Variants in PCDHGA4 observed in about 807,000 individuals in gnomAD.
PCDHGA4 encodes the protein protocadherin gamma subfamily A, 4.
A neutral mutation model predicts 54.6 loss-of-function variants in PCDHGA4; 38 were observed. The ratio of observed to expected loss-of-function variants is 0.70; its 90% CI spans 0.54 to 0.91. The LOEUF (loss-of-function observed/expected upper bound fraction) is 0.91. Among genes scored for constraint, PCDHGA4 ranks in the 40% least tolerant of loss-of-function variants. The pLI is 0.00. For synonymous variants in PCDHGA4, 511 were observed against 512.9 expected (o/e 1.00, Z 0.05); for missense variants, 1,298 against 1,220.9 (o/e 1.06, Z -0.94).
At chr5:141,455,842 C>T (rs1224197325) in intron 1 of PCDHGA4, among the ~76,000 whole-genome samples, 1 of 150,876 alleles carries the variant, frequency 6.6e-6, no homozygotes, top group Non-Finnish European at 1.5e-5. Context: ...TGTCTATCTG[C>T]ATAAAATAAT....
intron 1 of PCDHGA4, chr5:141,361,554 A>T (rs199916536): frequency 6.2e-7 from 1 of 1,614,062 alleles, no homozygotes; most frequent in Non-Finnish European, 8.5e-7. Context: ...CTATCGCTCA[A>T]ATCAGTGCCT....
rs79201149 is a variant in PCDHGA4, at chr5:141,386,596, T to C, written c.2514+28975T>C. Among the ~76,000 whole-genome samples, 402 of 139,140 alleles carry C rather than the reference T, an allele frequency of 2.9e-3. 2 individuals are homozygous for C. Among genetic ancestry groups the C allele is most frequent in the Non-Finnish European group, 4.9e-3 (319 of 65,706 alleles). The allele number at this position is 139,140 out of a possible 152,430, so 91.3% of individuals were successfully genotyped here. A position where few individuals can be genotyped will look rare whatever the true frequency, so the allele number is the denominator to read the frequency against. Reference sequence around the variant, plus strand: ...TCTGTACAATAGTGTGGGGGATACATTTTTTTTTTTTGACATGGAGTCTCG... The same window carrying C: ...TCTGTACAATAGTGTGGGGGATACACTTTTTTTTTTTGACATGGAGTCTCG... On this transcript the variant is annotated intron_variant, in intron 1 of 3. Transcript: ENST00000571252.
chr5:141,431,830 C>G lies in PCDHGA4; in HGVS notation c.2515-62977C>G, dbSNP rs1354008481. 1 of 1,614,078 alleles carries G rather than the reference C, an allele frequency of 6.2e-7. No homozygotes were observed. The highest frequency in any genetic ancestry group is 8.5e-7 in the Non-Finnish European group (1 of 1,180,034). The stretch of plus-strand genomic sequence containing the variant: ...TCACCTCTCTCGCCAGCTCGGTTCC[C>G]GAAAACTCTCCCAGAGGGACATTAA... On this transcript the variant is annotated intron_variant, in intron 1 of 3. Coordinates refer to ENST00000571252, the MANE Select transcript of PCDHGA4 (RefSeq NM_018917.4). This position sits in a 1 kb window ranked among gnomAD's most constrained non-coding sequence, Gnocchi z 4.8.
In PCDHGA4 at chr5:141,360,095, C is replaced by G. The variant is rs1402675837; in HGVS notation, c.2514+2474C>G. On this transcript the variant is annotated intron_variant, in intron 1 of 3. Coordinates refer to ENST00000571252, the MANE Select transcript of PCDHGA4 (RefSeq NM_018917.4). Reference sequence around the variant, plus strand: ...CCCGGATTCTGCCATCCCCGGAAGGCTTATTCCTCCTATGGGCAAAGGAGC... The same window carrying G: ...CCCGGATTCTGCCATCCCCGGAAGGGTTATTCCTCCTATGGGCAAAGGAGC... 8 of 1,523,900 alleles carry G rather than the reference C, an allele frequency of 5.2e-6. No individual in the cohort carries two copies. The African/African-American group carries it at 1.1e-4, about 21-fold the overall frequency. The allele number at this position is 1,523,900 out of a possible 1,614,324, so 94.4% of individuals were successfully genotyped here.
At chr5:141,379,660 C>T (rs922191885) in intron 1 of PCDHGA4, 1 of 152,100 alleles carries the variant, frequency 6.6e-6, no homozygotes, top group African/African-American at 2.4e-5. Flanking sequence ...CTTCTACTCT[C>T]ACAAAAGTCA....
At chr5:141,400,116 C>T in intron 1 of PCDHGA4, 2 of 1,614,086 alleles carry the variant, frequency 1.2e-6, no homozygotes, top group Non-Finnish European at 1.7e-6. Context: ...TTGCTGACAG[C>T]TTGCAGGAGG....
At chr5:141,461,617 C>T (rs1297064745) in intron 1 of PCDHGA4, among the ~76,000 whole-genome samples, 1 of 152,090 alleles carries the variant, frequency 6.6e-6, no homozygotes, top group African/African-American at 2.4e-5. Flanking sequence ...AAAGTATTTT[C>T]TAATACACCT....
intron 1 of PCDHGA4, among the ~76,000 whole-genome samples, chr5:141,363,223 A>T (rs1253518167): frequency 6.6e-6 from 1 of 152,164 alleles, no homozygotes; most frequent in Non-Finnish European, 1.5e-5. Context: ...AAATCTTACA[A>T]CCTATGTTCA....
At chr5:141,366,203 G>C in intron 1 of PCDHGA4, 3 of 1,613,862 alleles carry the variant, frequency 1.9e-6, no homozygotes, top group Non-Finnish European at 2.5e-6. Flanking sequence ...GCACACGGGC[G>C]AGGTGCGCAC....
chr5:141,511,345 T>TC lies in PCDHGA4; in HGVS notation c.*179dup, dbSNP rs535135679. The TC allele has an allele frequency of 6.6e-4, 924 of 1,410,366 alleles. 3 individuals are homozygous for TC. The African/African-American group carries it at 0.011, about 17-fold the overall frequency. 87.4% of individuals were successfully genotyped at this position (1,410,366 alleles called of 1,614,324 possible). ...AAGTGCCCAGTCAGCACCTACCCCT[T>TC]CCCCCCCAGGGGGTTGAATATGCAA... On this transcript the variant is annotated 3_prime_UTR_variant, in exon 4 of 4. Coordinates refer to ENST00000571252, the MANE Select transcript of PCDHGA4 (RefSeq NM_018917.4).
intron 1 of PCDHGA4, chr5:141,420,154 T>C (rs2096470856): frequency 2.5e-6 from 4 of 1,613,948 alleles, no homozygotes; most frequent in Non-Finnish European, 2.5e-6. Flanking sequence ...ATCCAGAATT[T>C]AATTTTTTCA....
At chr5:141,483,104 A>G (rs2099577128) in intron 1 of PCDHGA4, among the ~76,000 whole-genome samples, 1 of 152,140 alleles carries the variant, frequency 6.6e-6, no homozygotes, top group African/African-American at 2.4e-5. Flanking sequence ...GTGTGCGTGT[A>G]AAACAGACAG....
At position 141,499,027 on chromosome 5, in the gene PCDHGA4, A is replaced by AG. The variant is rs1323149397; in HGVS notation, c.2573+4163dup. 7.4e-3 allele frequency among the ~76,000 whole-genome samples: 1,116 copies of AG among 149,928 alleles called. 12 individuals are homozygous for AG. Among genetic ancestry groups the AG allele is most frequent in the African/African-American group, 0.026 (1,074 of 40,604 alleles). On this transcript the variant is annotated intron_variant, in intron 2 of 3. Transcript: ENST00000571252. ...AAGGAAGGAAGGAAGGAAGGAAGGA[A>AG]GAAAAGAAAGAAAAAGGGAGAAAAA...
intron 1 of PCDHGA4, among the ~76,000 whole-genome samples, chr5:141,480,240 C>CAAA (rs11374694): frequency 1.8e-5 from 2 of 114,046 alleles, no homozygotes; most frequent in Non-Finnish European, 3.8e-5. Context: ...CCTGTCTCTA[C>CAAA]AAAAAAAAAA....
Position 141,423,580 on chromosome 5 carries a change from A to C in PCDHGA4, c.2514+65959A>C, listed in dbSNP as rs368022774. 46 of 1,613,286 alleles carry C rather than the reference A, an allele frequency of 2.9e-5. No individual in the cohort carries two copies. In the African/African-American group the frequency reaches 5.6e-4, roughly 20 times the overall value. On this transcript the variant is annotated intron_variant, in intron 1 of 3. Coordinates refer to ENST00000571252, the MANE Select transcript of PCDHGA4 (RefSeq NM_018917.4). ...TGGGGACACGCTCATCAGCCAGGAGAGCTGTGAGAAAAGCGAGCCACTCTT... is the reference window on the plus strand; with the variant it reads ...TGGGGACACGCTCATCAGCCAGGAGCGCTGTGAGAAAAGCGAGCCACTCTT...
At position 141,390,084 on chromosome 5, in the gene PCDHGA4, G is replaced by A. The variant is rs755692863; in HGVS notation, c.2514+32463G>A. Reference sequence around the variant, plus strand: ...CCAGCCTGGTCTCTGTGTTAAATCCGAATCCGTGGTTCCCCCCAACTACAG... The same window carrying A: ...CCAGCCTGGTCTCTGTGTTAAATCCAAATCCGTGGTTCCCCCCAACTACAG... On this transcript the variant is annotated intron_variant, in intron 1 of 3. Transcript: ENST00000571252. 8 of 1,613,954 alleles carry A rather than the reference G, an allele frequency of 5.0e-6. No homozygotes were observed. In the African/African-American group the frequency reaches 9.3e-5, roughly 19 times the overall value.
chr5:141,509,765 T>G (rs1312823974), intron 3 of PCDHGA4, among the ~76,000 whole-genome samples: 2 of 152,120 alleles, frequency 1.3e-5, no homozygotes, highest in Non-Finnish European at 1.5e-5. Flanking sequence ...GTCCCTGAGA[T>G]GTCTAGTCCC....
Position 141,432,831 on chromosome 5 carries a change from T to C in PCDHGA4, c.2515-61976T>C. 1 of 1,614,206 alleles carries C rather than the reference T, an allele frequency of 6.2e-7. No individual in the cohort carries two copies. Among genetic ancestry groups the C allele is most frequent in the Non-Finnish European group, 8.5e-7 (1 of 1,180,006 alleles). ...AACTCTGAAACCTCAGACCTCACTC[T>C]GTACCTGGTGGTAGCGGTGGCCGCG... On this transcript the variant is annotated intron_variant, in intron 1 of 3. Coordinates refer to ENST00000571252, the MANE Select transcript of PCDHGA4 (RefSeq NM_018917.4). The surrounding 1 kb of genome is among the most constrained non-coding windows in gnomAD (Gnocchi z 6.0).
At chr5:141,427,838 C>T (rs978867590) in intron 1 of PCDHGA4, 4 of 1,546,186 alleles carry the variant, frequency 2.6e-6, no homozygotes, top group Non-Finnish European at 1.8e-6. Flanking sequence ...AGCGTGCCTT[C>T]GACCACGAGC....
Sources: allele counts gnomAD v4.1 joint callset (sites outside exome capture counted in the v4.1 genomes callset), GRCh38; gene constraint gnomAD v4.1.1; non-coding constraint Gnocchi (gnomAD v3.1); transcripts MANE v1.5; gene names NCBI Gene and HGNC (gene_info 2026-07-23, HGNC 2026-07-21).